Variants in CAMK2G observed in about 807,000 individuals in gnomAD.
CAMK2G encodes the protein calcium/calmodulin dependent protein kinase II gamma, also known as calcium/calmodulin-dependent protein kinase type II subunit gamma.
Under a neutral mutation model 88.7 loss-of-function variants are expected in CAMK2G, and 23 were observed. That is an observed-to-expected ratio of 0.26 (90% confidence interval 0.19 to 0.37). The LOEUF (loss-of-function observed/expected upper bound fraction) is 0.37. Ranked by LOEUF, CAMK2G falls within the 10% of genes least tolerant of loss-of-function variation. CAMK2G has a pLI of 1.00. For missense variants in CAMK2G, 476 were observed against 780.8 expected (o/e 0.61, Z 4.65); for synonymous variants, 263 against 294.8 (o/e 0.89, Z 1.11).
chr10:73,849,800 TC>T (rs1421410560), intron 5 of CAMK2G, among the ~76,000 whole-genome samples: 1 of 152,108 alleles, frequency 6.6e-6, no homozygotes. Flanking sequence ...CTCATTCATT[TC>T]CCTAAATGTT....
chr10:73,852,404 G>T, intron 4 of CAMK2G, 85 bp from the exon 5 acceptor site: 2 of 1,095,348 alleles, frequency 1.8e-6, no homozygotes, highest in Non-Finnish European at 2.8e-6. Flanking sequence ...GGGTCACCCT[G>T]TAGAATGGCT....
Position 73,825,317 on chromosome 10 carries a change from T to C in CAMK2G, c.1117A>G (p.Ser373Gly). Residue 373 changes from serine to glycine, a missense_variant, in exon 16 of 23, where the codon AGC (serine) becomes GGC (glycine). Transcript: ENST00000423381. ...AAGGGCGCGGGCTCTTGGGCTGGGC[T>C]TACGAGACTGTTTTTGTTGTTGCTC... Reference protein sequence around the residue: ...PQSNNKNSLVSPAQEPAPLQT... With the variant: ...PQSNNKNSLVGPAQEPAPLQT... The C allele has an allele frequency of 6.2e-7, 1 of 1,614,036 alleles. No individual in the cohort carries two copies. Among genetic ancestry groups the C allele is most frequent in the Non-Finnish European group, 8.5e-7 (1 of 1,179,876 alleles).
In CAMK2G at chr10:73,853,258, G is replaced by C. The variant is rs750554249; in HGVS notation, c.221-12C>G. On this transcript the variant is annotated splice_polypyrimidine_tract_variant and intron_variant, in intron 3 of 22. Coordinates refer to ENST00000423381, the MANE Select transcript of CAMK2G (RefSeq NM_001367534.1). ...GTCATGGAGGCGCACTGCAAGAGAG[G>C]AGATGGGGACAGAGATTAACAGAGA... The C allele has an allele frequency of 1.9e-6, 3 of 1,612,636 alleles. No individual in the cohort carries two copies. The highest frequency in any genetic ancestry group is 1.7e-6 in the Non-Finnish European group (2 of 1,178,708).
At chr10:73,863,588 A>G (rs112357062) in intron 2 of CAMK2G, among the ~76,000 whole-genome samples, 1,936 of 152,352 alleles carry the variant, frequency 0.013, 44 homozygotes, top group African/African-American at 0.043. Flanking sequence ...GGGCAGGTGC[A>G]GGAGAACAGC....
intron 2 of CAMK2G, among the ~76,000 whole-genome samples, chr10:73,864,824 T>G (rs2135702633): frequency 6.6e-6 from 1 of 152,144 alleles, no homozygotes; most frequent in East Asian, 1.9e-4. Flanking sequence ...TTTGTATTTT[T>G]CAGTAGAGAC....
chr10:73,846,631 C>T (rs1056292081), intron 10 of CAMK2G: 6 of 152,218 alleles, frequency 3.9e-5, no homozygotes, highest in African/African-American at 1.2e-4. Flanking sequence ...ATAAATAATG[C>T]CTCGTGGTTG....
At chr10:73,819,440 T>G in intron 19 of CAMK2G, 92 bp downstream of exon 19, 1 of 852,458 alleles carries the variant, frequency 1.2e-6, no homozygotes, top group Non-Finnish European at 1.9e-6. Flanking sequence ...CACGGGCAGG[T>G]GGGTGGGACT....
intron 17 of CAMK2G, among the ~76,000 whole-genome samples, chr10:73,823,060 C>T (rs2089594825): frequency 6.6e-6 from 1 of 151,844 alleles, no homozygotes; most frequent in South Asian, 2.1e-4. Flanking sequence ...TGGGGTTTTG[C>T]CATGTTGGCC....
intron 2 of CAMK2G, among the ~76,000 whole-genome samples, chr10:73,871,644 A>G (rs2095836049): frequency 6.6e-6 from 1 of 151,904 alleles, no homozygotes; most frequent in Non-Finnish European, 1.5e-5. Context: ...ACTCCAGGGT[A>G]TCTGACTGCC....
At chr10:73,873,753 T>C (rs1435248686) in intron 1 of CAMK2G, among the ~76,000 whole-genome samples, 1 of 87,342 alleles carries the variant, frequency 1.1e-5, no homozygotes, top group African/African-American at 4.5e-5. Context: ...GGGGCTGCAG[T>C]GGCCGGGCTC....
chr10:73,826,899 T>G (rs2091119823), intron 15 of CAMK2G, among the ~76,000 whole-genome samples: 1 of 152,124 alleles, frequency 6.6e-6, no homozygotes, highest in African/African-American at 2.4e-5. Context: ...AGGCACCAAG[T>G]GACTCCACTG....
At chr10:73,825,099 C>T (rs2090456011) in intron 16 of CAMK2G, among the ~76,000 whole-genome samples, 180 bp downstream of exon 16, 1 of 152,110 alleles carries the variant, frequency 6.6e-6, no homozygotes, top group Admixed American at 6.5e-5. Flanking sequence ...CGGGATGGAG[C>T]GCGGCCAGGC....
intron 17 of CAMK2G, among the ~76,000 whole-genome samples, chr10:73,822,190 A>ATT (rs1447786125): frequency 1.8e-4 from 28 of 152,124 alleles, no homozygotes; most frequent in African/African-American, 6.8e-4. Context: ...TTTTTGAAAC[A>ATT]GAGTTTTGCT....
rs1469549790 is a variant in CAMK2G at position 73,847,992 on chromosome 10, T to C, written c.692A>G (p.Tyr231Cys). ...KLYQQIKAGA[Y>C]DFPSPEWDTV... is the part of the protein sequence containing the mutation. Reference sequence around the variant, plus strand: ...GCCCGGCTCTCTGGTCCTTACATCATAGGCTCCAGCCTTGATCTGCTGATA... The same window carrying C: ...GCCCGGCTCTCTGGTCCTTACATCACAGGCTCCAGCCTTGATCTGCTGATA... Residue 231 changes from tyrosine (Y) to cysteine (C), a missense_variant, in exon 9 of 23, where the codon TAT (tyrosine) becomes TGT (cysteine). Transcript: ENST00000423381. 1.2e-6 allele frequency: 2 copies of C among 1,601,116 alleles called. No homozygotes were observed. Among genetic ancestry groups the C allele is most frequent in the Non-Finnish European group, 1.7e-6 (2 of 1,168,584 alleles).
At chr10:73,833,600 CT>C (rs60516273) in intron 14 of CAMK2G, among the ~76,000 whole-genome samples, 46 of 143,862 alleles carry the variant, frequency 3.2e-4, no homozygotes, top group African/African-American at 3.8e-4. Flanking sequence ...ATCTATCTTC[CT>C]TTTTTTTTTT....
intron 14 of CAMK2G, among the ~76,000 whole-genome samples, chr10:73,831,689 G>A (rs552096845): frequency 4.0e-5 from 6 of 151,104 alleles, no homozygotes; most frequent in South Asian, 4.2e-4. Context: ...GGGCAACCCC[G>A]TCTCTACTAA....
Position 73,817,050 on chromosome 10 carries a change from C to T in CAMK2G, c.1507G>A (p.Asp503Asn). The change falls in exon 21 of 23, where the codon GAT becomes AAT. Residue 503 changes from aspartate (D) to asparagine (N), a missense_variant. Physicochemically the swap from Asp to Asn is conservative, Grantham distance 23. Around this residue, in one of 3 missense-constraint regions of CAMK2G, gnomAD observed 278 missense variants for 366.5 expected, o/e 0.76. Transcript: ENST00000423381. Reference sequence around the variant, plus strand: ...TTCTCAAAGTAAAACTTATGGAAATCCATCCCCTCCACGAGGTTACCAAGG... The same window carrying T: ...TTCTCAAAGTAAAACTTATGGAAATTCATCCCCTCCACGAGGTTACCAAGG... ...EALGNLVEGM[D>N]FHKFYFENLL... 1.2e-6 allele frequency: 2 copies of T among 1,614,110 alleles called. No individual in the cohort carries two copies. The highest frequency in any genetic ancestry group is 1.7e-6 in the Non-Finnish European group (2 of 1,179,988).
intron 14 of CAMK2G, among the ~76,000 whole-genome samples, chr10:73,834,222 C>T (rs1389003212): frequency 1.3e-5 from 2 of 152,186 alleles, no homozygotes; most frequent in Non-Finnish European, 2.9e-5. Context: ...CCAGCTTCTA[C>T]TGGGTTTTAA....
At chr10:73,866,393 C>A (rs934289499) in intron 2 of CAMK2G, among the ~76,000 whole-genome samples, 1 of 152,060 alleles carries the variant, frequency 6.6e-6, no homozygotes, top group African/African-American at 2.4e-5. Flanking sequence ...GGTCAGGGGG[C>A]CAGGGAGGGC....
Sources: allele counts gnomAD v4.1 joint callset (sites outside exome capture counted in the v4.1 genomes callset), GRCh38; gene constraint gnomAD v4.1.1; regional missense constraint gnomAD v4.1.1; transcripts MANE v1.5; gene names NCBI Gene and HGNC (gene_info 2026-07-23, HGNC 2026-07-21).